LCOR: variants seen among roughly 807,000 people sequenced by gnomAD.
LCOR encodes the protein ligand dependent nuclear receptor corepressor, also known as ligand-dependent corepressor.
In LCOR, 14 loss-of-function variants were observed where a neutral mutation model predicts 64.4. The ratio of observed to expected loss-of-function variants is 0.22; its 90% confidence interval spans 0.14 to 0.34. The LOEUF (loss-of-function observed/expected upper bound fraction) is 0.34. LCOR is among the 10% of genes least tolerant of loss of function. The pLI is 1.00. For missense variants in LCOR, 1,686 were observed against 1,765.3 expected, an observed-to-expected ratio of 0.96 and a Z score of 0.80; for synonymous variants, 643 against 642.5, an observed-to-expected ratio of 1.00 and a Z score of -0.01.
intron 7 of LCOR, chr10:96,958,134 G>T: frequency 1.7e-6 from 2 of 1,199,526 alleles, no homozygotes; most frequent in African/African-American, 1.5e-5. Flanking sequence ...TTTGCGTAAT[G>T]TTTGGGATAT....
intron 7 of LCOR, among the ~76,000 whole-genome samples, chr10:96,975,062 T>C (rs1289455607): frequency 3.3e-5 from 5 of 152,180 alleles, no homozygotes; most frequent in African/African-American, 1.2e-4. Context: ...TCCCAGGTAC[T>C]TGGGGGGCTG....
intron 4 of LCOR, among the ~76,000 whole-genome samples, chr10:96,931,319 C>G (rs531519339): frequency 1.1e-4 from 16 of 151,618 alleles, no homozygotes; most frequent in Admixed American, 1.1e-3. Context: ...CTGCAACTTC[C>G]GCCTCCCAGG....
intron 2 of LCOR, among the ~76,000 whole-genome samples, chr10:96,873,777 T>C (rs1357955974): frequency 1.3e-5 from 2 of 152,106 alleles, no homozygotes; most frequent in Non-Finnish European, 2.9e-5. Context: ...ATAATTTTTA[T>C]AGTTTTAGTA....
intron 2 of LCOR, among the ~76,000 whole-genome samples, chr10:96,859,071 T>G (rs928754568): frequency 8.5e-5 from 13 of 152,246 alleles, no homozygotes; most frequent in Non-Finnish European, 4.4e-5. Context: ...AAGGTCATTT[T>G]GTGGGTTTAT....
intron 7 of LCOR, among the ~76,000 whole-genome samples, chr10:96,974,759 G>A (rs1418140529): frequency 6.6e-6 from 1 of 152,016 alleles, no homozygotes; most frequent in Non-Finnish European, 1.5e-5. Context: ...GTTTAAAACA[G>A]GAAAAACTGG....
At chr10:96,912,607 T>TTCCTTCCTTCCTTCCTTCCTTCCTTC (rs1554836477) in intron 4 of LCOR, among the ~76,000 whole-genome samples, 4 of 140,294 alleles carry the variant, frequency 2.9e-5, no homozygotes, top group African/African-American at 1.2e-4. Flanking sequence ...TTTCTTCCTT[T>TTCCTTCCTTCCTTCCTTCCTTCCTTC]CTTCCTTCCT....
At chr10:96,911,753 C>G (rs1252722926) in intron 4 of LCOR, among the ~76,000 whole-genome samples, 3 of 152,202 alleles carry the variant, frequency 2.0e-5, no homozygotes, top group African/African-American at 7.2e-5. Flanking sequence ...CTGCTTACTT[C>G]TTTCCTTCCT....
chr10:96,843,198 C>T (rs1186235932), intron 2 of LCOR, among the ~76,000 whole-genome samples: 1 of 152,142 alleles, frequency 6.6e-6, no homozygotes, highest in Non-Finnish European at 1.5e-5. Flanking sequence ...GATCATAGCT[C>T]ACTGTAAACT....
chr10:96,833,174 T>C (rs554375852), intron 1 of LCOR: 1 of 985,206 alleles, frequency 1.0e-6, no homozygotes, highest in African/African-American at 1.7e-5. Context: ...TGGGACCGGG[T>C]CCGACCGAGG....
chr10:96,855,508 C>T (rs367720527), intron 2 of LCOR, among the ~76,000 whole-genome samples: 10 of 152,146 alleles, frequency 6.6e-5, no homozygotes, highest in African/African-American at 2.2e-4. Context: ...GATCTTGGCT[C>T]ATTGCAACCT....
chr10:96,832,520 G>A, intron 1 of LCOR, 121 bp downstream of exon 1: 2 of 220,558 alleles, frequency 9.1e-6, no homozygotes, highest in Non-Finnish European at 1.5e-5. Flanking sequence ...TCTTTGGCTC[G>A]AGCGTCCCCC....
chr10:96,955,488 A>C lies in LCOR; in HGVS notation c.332+3292A>C, dbSNP rs1037672122. ...TTCACAAACGGAGAGCGCGCTTAGT[A>C]AAAAATTAAGGGCTATTCTTCCAAA... is the stretch of plus-strand genomic sequence containing the variant. On this transcript the variant is annotated intron_variant, in intron 7 of 7. Transcript: ENST00000421806. The C allele has an allele frequency of 1.9e-6, 3 of 1,614,158 alleles. No individual in the cohort carries two copies. The highest frequency in any genetic ancestry group is 8.5e-7 in the Non-Finnish European group (1 of 1,180,040).
intron 2 of LCOR, among the ~76,000 whole-genome samples, chr10:96,842,800 C>G (rs1452011833): frequency 6.6e-6 from 1 of 151,526 alleles, no homozygotes; most frequent in Non-Finnish European, 1.5e-5. Flanking sequence ...CCCACTAGTT[C>G]TTGTTTTTTT....
chr10:96,983,188 C>A lies in LCOR; in HGVS notation c.2728C>A (p.Gln910Lys), dbSNP rs1036576033. 16 of 1,614,106 alleles carry A rather than the reference C, an allele frequency of 9.9e-6. No individual in the cohort carries two copies. In the East Asian group the frequency reaches 3.6e-4, roughly 36 times the overall value. ...CGAAGGCGGGGGGATCATCACCAGG[C>A]AGACTTTGAAAAACATGCTGGACAA... Reference protein sequence around the residue: ...EGEGGGIITRQTLKNMLDKEV... With the variant: ...EGEGGGIITRKTLKNMLDKEV... The change falls in exon 8 of 8, where the codon CAG (glutamine) becomes AAG (lysine). Residue 910 changes from glutamine (Q) to lysine (K), a missense_variant. By Grantham distance (53) the Gln-to-Lys change is moderately conservative. Around this residue, in one of 3 missense-constraint regions of LCOR, gnomAD observed 1,293 missense variants for 1,410.4 expected, o/e 0.92. Coordinates refer to ENST00000421806, the MANE Select transcript of LCOR (RefSeq NM_001346516.2). The surrounding 1 kb of genome is among the most constrained non-coding windows in gnomAD (Gnocchi z 4.5).
At chr10:96,870,438 C>G (rs927986707) in intron 2 of LCOR, among the ~76,000 whole-genome samples, 2 of 152,148 alleles carry the variant, frequency 1.3e-5, no homozygotes, top group East Asian at 3.9e-4. Context: ...TCCCAAAGTC[C>G]GTAGGCACTG....
chr10:96,976,937 T>G (rs1454567016), intron 7 of LCOR, among the ~76,000 whole-genome samples: 1 of 152,214 alleles, frequency 6.6e-6, no homozygotes, highest in Non-Finnish European at 1.5e-5. Context: ...CGTTTATCTC[T>G]TCAGTTTTTC....
chr10:96,848,613 G>A lies in LCOR; in HGVS notation c.-330+15134G>A, dbSNP rs1235258963. On this transcript the variant is annotated intron_variant, in intron 2 of 7. Coordinates refer to ENST00000421806, the MANE Select transcript of LCOR (RefSeq NM_001346516.2). ...GCGGAGGTTGCAGTGAGCTGAGATC[G>A]CGCCATTGCACTCCAGTCTGGGCAA... Among the ~76,000 whole-genome samples, 3 of 152,084 alleles carry A rather than the reference G, an allele frequency of 2.0e-5. No homozygotes were observed. The East Asian group carries it at 5.8e-4, about 29-fold the overall frequency.
chr10:96,885,369 G>GT (rs1846324590), intron 2 of LCOR, among the ~76,000 whole-genome samples: 1 of 151,714 alleles, frequency 6.6e-6, no homozygotes, highest in African/African-American at 2.4e-5. Flanking sequence ...TGTTAATTAG[G>GT]TTTTGTTTTT....
chr10:96,910,762 T>G (rs1846816795), intron 4 of LCOR, among the ~76,000 whole-genome samples: 1 of 152,226 alleles, frequency 6.6e-6, no homozygotes, highest in Non-Finnish European at 1.5e-5. Flanking sequence ...TGAGATAATC[T>G]AGGTAGTATT....
Sources: gnomAD v4.1 joint callset for allele counts (sites outside exome capture counted in the v4.1 genomes callset) on GRCh38, gnomAD v4.1.1 for gene constraint, gnomAD v4.1.1 regional missense constraint, Gnocchi (gnomAD v3.1) non-coding constraint, MANE v1.5 for transcripts, NCBI Gene and HGNC (gene_info 2026-07-23, HGNC 2026-07-21) for gene names.